The following TTC7A variants were observed in gnomAD, a reference collection of about 807,000 sequenced individuals.
TTC7A encodes tetratricopeptide repeat domain 7A.
A neutral mutation model predicts 103.7 loss-of-function variants in TTC7A; 110 were observed. The observed-to-expected ratio is 1.06, with a 90% CI of 0.91 to 1.24. The LOEUF (loss-of-function observed/expected upper bound fraction) is 1.24, where lower values mean the gene tolerates loss of function less well. Ranked by LOEUF, TTC7A falls within the 50% of genes most tolerant of loss-of-function variation. The pLI, the probability that TTC7A is intolerant of heterozygous loss-of-function variation, is 0.00. For missense variants in TTC7A, 1,340 were observed against 1,116.3 expected, an observed-to-expected ratio of 1.20 and a Z score of -2.86; for synonymous variants, 521 against 467.9, an observed-to-expected ratio of 1.11 and a Z score of -1.47.
intron 5 of TTC7A, among the ~76,000 whole-genome samples, chr2:46,985,660 A>C (rs372822661): frequency 4.6e-5 from 7 of 151,830 alleles, no homozygotes; most frequent in African/African-American, 1.5e-4. Flanking sequence ...TGTAGACCCC[A>C]TGAGCCTGGT....
intron 2 of TTC7A, among the ~76,000 whole-genome samples, chr2:46,934,784 GCTC>G (rs1669882243): frequency 1.2e-5 from 1 of 81,922 alleles, no homozygotes; most frequent in African/African-American, 4.6e-5. Flanking sequence ...GAAGACTACT[GCTC>G]TTTTTTTTTT....
At chr2:46,989,820 C>CTGTG (rs10650352) in intron 5 of TTC7A, among the ~76,000 whole-genome samples, 3,010 of 137,552 alleles carry the variant, frequency 0.022, 90 homozygotes, top group African/African-American at 0.07. Flanking sequence ...GTGTGTGCAT[C>CTGTG]TGTGTGTGTG....
chr2:46,934,787 CTTTTTTTTTTTTTTTT>C (rs1161003607), intron 2 of TTC7A, among the ~76,000 whole-genome samples: 19 of 66,922 alleles, frequency 2.8e-4, no homozygotes, highest in Middle Eastern at 0.015. Context: ...GACTACTGCT[CTTTTTTTTTTTTTTTT>C]TTTTTTTTTT....
In TTC7A at chr2:46,941,997, C is replaced by G. The variant is rs1670457626; in HGVS notation, c.184+272C>G. The G allele has an allele frequency of 1.8e-6, 1 of 568,088 alleles. No individual in the cohort carries two copies. Among genetic ancestry groups the G allele is most frequent in the Non-Finnish European group, 3.1e-6 (1 of 317,500 alleles). The allele number at this position is 568,088 out of a possible 1,614,324, so 35.2% of individuals were successfully genotyped here. Reference sequence around the variant, plus strand: ...TCTGTCTACCGTGAAATGGTGGTATCTGCATATCATGAGATCAGTGCATTG... The same window carrying G: ...TCTGTCTACCGTGAAATGGTGGTATGTGCATATCATGAGATCAGTGCATTG... On this transcript the variant is annotated intron_variant, in intron 1 of 19. Transcript: ENST00000319190. This position sits in a 1 kb window ranked among gnomAD's most constrained non-coding sequence, Gnocchi z 4.2.
intron 17 of TTC7A, 51 bp from the exon 18 acceptor site, chr2:47,051,695 C>T: frequency 1.3e-6 from 2 of 1,557,522 alleles, no homozygotes; most frequent in Non-Finnish European, 8.7e-7. Context: ...CTGGGGCCTG[C>T]AACGTGTGGA....
At chr2:47,055,842 G>C (rs1486787634) in intron 18 of TTC7A, among the ~76,000 whole-genome samples, 3 of 152,158 alleles carry the variant, frequency 2.0e-5, no homozygotes, top group African/African-American at 4.8e-5. Flanking sequence ...GGCCAGCGCT[G>C]TGGCTGAAGC....
intron 15 of TTC7A, among the ~76,000 whole-genome samples, chr2:47,038,596 C>T (rs1343044187): frequency 6.6e-6 from 1 of 151,698 alleles, no homozygotes; most frequent in Non-Finnish European, 1.5e-5. Context: ...AGATAATGCC[C>T]CTTTCTATGC....
Position 47,038,633 on chromosome 2 carries a change from ACCCACCCTCCCCCC to A in TTC7A, c.1803-7681_1803-7668del, listed in dbSNP as rs1681401534. Among the ~76,000 whole-genome samples, 7 of 49,262 alleles carry A rather than the reference ACCCACCCTCCCCCC, an allele frequency of 1.4e-4. No homozygotes were observed. The South Asian group carries it at 8.3e-3, about 59-fold the overall frequency. 32.3% of individuals were successfully genotyped at this position (49,262 alleles called of 152,430 possible). On this transcript the variant is annotated intron_variant, in intron 15 of 19. Coordinates refer to ENST00000319190, the MANE Select transcript of TTC7A (RefSeq NM_020458.4). ...TTCACTACACCTGCTGCCACTTCCC[ACCCACCCTCCCCCC>A]ACCCACCCCCCCGACACACAGAGGG...
chr2:46,946,222 G>C (rs1442100865), intron 1 of TTC7A, among the ~76,000 whole-genome samples: 1 of 152,128 alleles, frequency 6.6e-6, no homozygotes, highest in Non-Finnish European at 1.5e-5. Context: ...CAGGGCTGCA[G>C]AATCAGCACC....
At position 46,956,715 on chromosome 2, in the gene TTC7A, GC is replaced by G. The variant is rs1671885821; in HGVS notation, c.349-123del. 5 of 978,340 alleles carry G rather than the reference GC, an allele frequency of 5.1e-6. No individual in the cohort carries two copies. The Admixed American group carries it at 5.7e-5, about 11-fold the overall frequency. The allele number at this position is 978,340 out of a possible 1,614,324, so 60.6% of individuals were successfully genotyped here. A position where few individuals can be genotyped will look rare whatever the true frequency, so the allele number is the denominator to read the frequency against. On this transcript the variant is annotated intron_variant, in intron 2 of 19. Coordinates refer to ENST00000319190, the MANE Select transcript of TTC7A (RefSeq NM_020458.4). ...GGCATGTGCTTGAGCATCAAAGAAGGCTTTCTGGAGGAGGAGGGGAGTTCTG... is the reference window on the plus strand; with the variant it reads ...GGCATGTGCTTGAGCATCAAAGAAGGTTTCTGGAGGAGGAGGGGAGTTCTG...
chr2:47,000,797 T>A (rs1293174131), intron 8 of TTC7A, among the ~76,000 whole-genome samples: 1 of 152,148 alleles, frequency 6.6e-6, no homozygotes, highest in Non-Finnish European at 1.5e-5. Flanking sequence ...TTTTTGAGAA[T>A]GCGGTTGATC....
chr2:47,011,358 G>C lies in TTC7A; in HGVS notation c.1315G>C (p.Glu439Gln). 2 of 1,613,368 alleles carry C rather than the reference G, an allele frequency of 1.2e-6. No individual in the cohort carries two copies. The highest frequency in any genetic ancestry group is 1.7e-6 in the Non-Finnish European group (2 of 1,179,930). The change falls in exon 11 of 20, where the codon GAG (glutamate) becomes CAG (glutamine). Residue 439 changes from glutamate (E) to glutamine (Q), a missense_variant. Coordinates refer to ENST00000319190, the MANE Select transcript of TTC7A (RefSeq NM_020458.4). ...AGCCTACGCTGTGTCCCTGCTGCGG[G>C]AGTGTGTGAAGTTGCGGCCCTCGGA... ...KSAYAVSLLR[E>Q]CVKLRPSDPT...
At chr2:46,960,299 C>T (rs531098635) in intron 3 of TTC7A, among the ~76,000 whole-genome samples, 25 of 152,316 alleles carry the variant, frequency 1.6e-4, no homozygotes, top group African/African-American at 6.0e-4. Context: ...TCCCAAGTCA[C>T]CTATGGCCCT....
intron 12 of TTC7A, 113 bp from the exon 13 acceptor site, chr2:47,023,295 G>A: frequency 1.8e-6 from 2 of 1,133,454 alleles, no homozygotes; most frequent in Middle Eastern, 2.8e-4. Flanking sequence ...TTGCCAGATG[G>A]GACCCTGGTG....
chr2:46,990,817 G>A (rs1049300364), intron 5 of TTC7A, among the ~76,000 whole-genome samples: 1 of 152,122 alleles, frequency 6.6e-6, no homozygotes, highest in African/African-American at 2.4e-5. Flanking sequence ...AGACCCCAGG[G>A]CATCCCCTAA....
intron 3 of TTC7A, among the ~76,000 whole-genome samples, chr2:46,973,892 G>A (rs886785784): frequency 6.6e-6 from 1 of 152,154 alleles, no homozygotes; most frequent in Non-Finnish European, 1.5e-5. Context: ...TCGTGCCAGG[G>A]GGTGAAAGGG....
At chr2:47,008,107 A>T (rs1218089884) in intron 10 of TTC7A, among the ~76,000 whole-genome samples, 1 of 152,130 alleles carries the variant, frequency 6.6e-6, no homozygotes, top group East Asian at 1.9e-4. Context: ...TGGATCTTCC[A>T]TGGAGCCTGG....
intron 15 of TTC7A, among the ~76,000 whole-genome samples, chr2:47,033,926 C>T (rs1035725771): frequency 2.0e-5 from 3 of 152,190 alleles, no homozygotes; most frequent in Non-Finnish European, 4.4e-5. Context: ...AGCTCCTTGG[C>T]TGCACAAGAA....
At chr2:47,021,209 G>A (rs573826279) in intron 11 of TTC7A, among the ~76,000 whole-genome samples, 2 of 152,332 alleles carry the variant, frequency 1.3e-5, no homozygotes, top group African/African-American at 4.8e-5. Flanking sequence ...TGTGCCATGA[G>A]TGGGCATGAC....
Sources: gnomAD v4.1 joint callset for allele counts (sites outside exome capture counted in the v4.1 genomes callset) on GRCh38, gnomAD v4.1.1 for gene constraint, Gnocchi (gnomAD v3.1) non-coding constraint, MANE v1.5 for transcripts, NCBI Gene and HGNC (gene_info 2026-07-23, HGNC 2026-07-21) for gene names.